The following PDE4D variants were observed in gnomAD, a reference collection of about 807,000 sequenced individuals.
PDE4D encodes 3',5'-cyclic-AMP phosphodiesterase 4D.
In PDE4D, 24 loss-of-function variants were observed where a neutral mutation model predicts 87.4. That is an observed-to-expected ratio of 0.27 (90% CI 0.20 to 0.39). The LOEUF (loss-of-function observed/expected upper bound fraction) is 0.39. PDE4D is among the 10% of genes least tolerant of loss of function. PDE4D has a pLI of 1.00. For missense variants in PDE4D, 714 were observed against 1,041.0 expected, an observed-to-expected ratio of 0.69 and a Z score of 4.32; for synonymous variants, 384 against 383.2, an observed-to-expected ratio of 1.00 and a Z score of -0.02.
Position 58,990,886 on chromosome 5 carries a change from T to G in PDE4D, c.1205A>C (p.Asn402Thr). The G allele has an allele frequency of 1.3e-6, 2 of 1,593,352 alleles. No homozygotes were observed. Among genetic ancestry groups the G allele is most frequent in the Non-Finnish European group, 1.7e-6 (2 of 1,166,910 alleles). Residue 402 changes from asparagine to threonine, a missense_variant, in exon 9 of 15, where the codon AAC becomes ACC. Asn to Thr is a moderately conservative substitution (Grantham distance 65, BLOSUM62 0). Around this residue, in one of 7 missense-constraint regions of PDE4D, gnomAD observed 141 missense variants for 204.3 expected, o/e 0.69. Coordinates refer to ENST00000340635, the MANE Select transcript of PDE4D (RefSeq NM_001104631.2). Reference sequence around the variant, plus strand: ...TCTGAAAACATGAAGACCCCATTTGTTCACATCTTCTAGTTCCTGGAGTGA... The same window carrying G: ...TCTGAAAACATGAAGACCCCATTTGGTCACATCTTCTAGTTCCTGGAGTGA... ...DVLAKELEDVNKWGLHVFRIA... is the reference protein window; with the variant it reads ...DVLAKELEDVTKWGLHVFRIA...
At chr5:59,106,261 A>C (rs1771559284) in intron 5 of PDE4D, among the ~76,000 whole-genome samples, 1 of 152,206 alleles carries the variant, frequency 6.6e-6, no homozygotes, top group Non-Finnish European at 1.5e-5. Flanking sequence ...CTACCAATGC[A>C]CATGTGTAGC....
At chr5:60,403,254 A>T (rs768922201) in intron 1 of PDE4D, among the ~76,000 whole-genome samples, 1 of 152,236 alleles carries the variant, frequency 6.6e-6, no homozygotes. Flanking sequence ...TAACAGGGAC[A>T]TATAACTGAA....
intron 1 of PDE4D, among the ~76,000 whole-genome samples, chr5:59,750,476 G>C (rs1191998792): frequency 6.6e-6 from 1 of 152,086 alleles, no homozygotes; most frequent in Admixed American, 6.6e-5. Context: ...ATGTACTTCT[G>C]CTGGATAATC....
In PDE4D at chr5:59,893,636, T is replaced by A. The variant is rs1751309629; in HGVS notation, c.-14A>T. ...CTCTGCCTCCATCCTGGCTCGCGGC[T>A]CCGCGACCTGCTGCCCAGCCCGGGT... On this transcript the variant is annotated 5_prime_UTR_variant, in exon 1 of 15. Coordinates refer to ENST00000340635, the MANE Select transcript of PDE4D (RefSeq NM_001104631.2). 3 of 1,476,688 alleles carry A rather than the reference T, an allele frequency of 2.0e-6. No individual in the cohort carries two copies. The highest frequency in any genetic ancestry group is 5.8e-5 in the East Asian group (2 of 34,408). The allele number at this position is 1,476,688 out of a possible 1,614,324, so 91.5% of individuals were successfully genotyped here.
At position 58,979,240 on chromosome 5, in the gene PDE4D, A is replaced by G. The variant is rs911834894; in HGVS notation, c.1553-1895T>C. Among the ~76,000 whole-genome samples, 10 of 152,182 alleles carry G rather than the reference A, an allele frequency of 6.6e-5. No individual in the cohort carries two copies. In the East Asian group the frequency reaches 1.9e-3, roughly 29 times the overall value. ...GCCTTTCATGTAGGGCAGATGTCCA[A>G]GAATACTGGCAAGGCCTGTCTTGGA... On this transcript the variant is annotated intron_variant, in intron 11 of 14. Coordinates refer to ENST00000340635, the MANE Select transcript of PDE4D (RefSeq NM_001104631.2).
intron 1 of PDE4D, among the ~76,000 whole-genome samples, chr5:59,368,760 G>A (rs894239242): frequency 1.2e-4 from 19 of 152,134 alleles, no homozygotes; most frequent in African/African-American, 4.6e-4. Flanking sequence ...CAATTGATTG[G>A]GAAGTGATTA....
At chr5:59,991,769 G>C (rs1023441650) in intron 2 of PDE4D, among the ~76,000 whole-genome samples, 6 of 152,132 alleles carry the variant, frequency 3.9e-5, no homozygotes, top group African/African-American at 1.4e-4. Flanking sequence ...TATGTACTTA[G>C]GAAGTTCCTC....
At chr5:60,410,206 C>T (rs538993855) in intron 1 of PDE4D, among the ~76,000 whole-genome samples, 2 of 152,122 alleles carry the variant, frequency 1.3e-5, no homozygotes, top group African/African-American at 4.8e-5. Context: ...TGTGATGGCA[C>T]CCTAGCAAAG....
At position 59,626,226 on chromosome 5, in the gene PDE4D, T is replaced by C. The variant is rs149620540; in HGVS notation, c.455+266942A>G. ...AGTATTTAATGAAATGAGGTTTCTA[T>C]ACATCAAACATTTAAATGAAAGTCA... On this transcript the variant is annotated intron_variant, in intron 1 of 14. Coordinates refer to ENST00000340635, the MANE Select transcript of PDE4D (RefSeq NM_001104631.2). 7.2e-5 allele frequency among the ~76,000 whole-genome samples: 11 copies of C among 152,366 alleles called. No individual in the cohort carries two copies. The East Asian group carries it at 2.1e-3, about 29-fold the overall frequency.
intron 1 of PDE4D, among the ~76,000 whole-genome samples, chr5:59,388,174 T>C (rs1013654312): frequency 6.6e-6 from 1 of 152,076 alleles, no homozygotes; most frequent in African/African-American, 2.4e-5. Context: ...AACAAATAAC[T>C]TGATTAAAAA....
rs375240924 is a variant in PDE4D, at chr5:59,176,325, G to A, written c.808+4270C>T. Among the ~76,000 whole-genome samples, 49 of 152,218 alleles carry A rather than the reference G, an allele frequency of 3.2e-4. No homozygotes were observed. The East Asian group carries it at 8.3e-3, about 26-fold the overall frequency. On this transcript the variant is annotated intron_variant, in intron 5 of 14. Coordinates refer to ENST00000340635, the MANE Select transcript of PDE4D (RefSeq NM_001104631.2). Reference sequence around the variant, plus strand: ...CCCAGCATTTTGGGAGGCCAAGGTGGGTGGATCACCTGAGGTCAGGAGTTC... The same window carrying A: ...CCCAGCATTTTGGGAGGCCAAGGTGAGTGGATCACCTGAGGTCAGGAGTTC...
chr5:59,874,881 C>A (rs995604871), intron 1 of PDE4D, among the ~76,000 whole-genome samples: 1 of 151,718 alleles, frequency 6.6e-6, no homozygotes, highest in Admixed American at 6.6e-5. Flanking sequence ...CTTCTTAGAC[C>A]AGTAAGCAAT....
chr5:60,021,894 A>G (rs1329549848), intron 2 of PDE4D: 1 of 152,170 alleles, frequency 6.6e-6, no homozygotes, highest in African/African-American at 2.4e-5. Context: ...TTATTTTTTA[A>G]AAGAGATGGA....
intron 1 of PDE4D, among the ~76,000 whole-genome samples, chr5:60,322,359 GACACACATAC>G (rs1486288356): frequency 1.1e-5 from 1 of 90,272 alleles, no homozygotes; most frequent in African/African-American, 4.3e-5. Context: ...AATATATATG[GACACACATAC>G]ACACACACAC....
chr5:60,214,995 G>T (rs1178971730), intron 1 of PDE4D, among the ~76,000 whole-genome samples: 1 of 152,094 alleles, frequency 6.6e-6, no homozygotes, highest in Non-Finnish European at 1.5e-5. Context: ...ATCATCTCTT[G>T]TATGTCAGTA....
At chr5:59,434,899 G>A (rs549516396) in intron 1 of PDE4D, among the ~76,000 whole-genome samples, 1 of 152,240 alleles carries the variant, frequency 6.6e-6, no homozygotes, top group East Asian at 1.9e-4. Flanking sequence ...CAATGTGCTA[G>A]GCACTGTGGT....
chr5:59,749,476 C>T (rs762733684), intron 1 of PDE4D, among the ~76,000 whole-genome samples: 13 of 152,156 alleles, frequency 8.5e-5, no homozygotes, highest in Admixed American at 2.0e-4. Context: ...GTTGGCCAGG[C>T]TGGTCTCAAA....
chr5:59,248,637 T>C (rs530614332), intron 1 of PDE4D, among the ~76,000 whole-genome samples: 1 of 152,238 alleles, frequency 6.6e-6, no homozygotes, highest in Admixed American at 6.5e-5. Context: ...TAATGTAGTA[T>C]GTTTCTCTCA....
chr5:59,831,616 T>G (rs989833364), intron 1 of PDE4D, among the ~76,000 whole-genome samples: 1 of 152,080 alleles, frequency 6.6e-6, no homozygotes, highest in East Asian at 1.9e-4. Flanking sequence ...ATAGCTTGAC[T>G]TTGGTTACAT....
Sources: allele counts gnomAD v4.1 joint callset (sites outside exome capture counted in the v4.1 genomes callset), GRCh38; gene constraint gnomAD v4.1.1; regional missense constraint gnomAD v4.1.1; transcripts MANE v1.5; gene names NCBI Gene and HGNC (gene_info 2026-07-23, HGNC 2026-07-21).